The following AHCYL1 variants were observed in gnomAD, a reference collection of about 807,000 sequenced individuals.
AHCYL1 encodes the protein S-adenosylhomocysteine hydrolase-like protein 1.
A neutral mutation model predicts 79.3 loss-of-function variants in AHCYL1; 20 were observed. That is an observed-to-expected ratio of 0.25 (90% CI 0.18 to 0.37). The LOEUF (loss-of-function observed/expected upper bound fraction) is 0.37, where lower values mean the gene tolerates loss of function less well. AHCYL1 is among the 10% of genes least tolerant of loss of function. The pLI, the probability that AHCYL1 is intolerant of heterozygous loss-of-function variation, is 1.00. For synonymous variants in AHCYL1, 223 were observed against 242.2 expected, an observed-to-expected ratio of 0.92 and a Z score of 0.74; for missense variants, 330 against 673.6, an observed-to-expected ratio of 0.49 and a Z score of 5.65.
chr1:109,997,465 A>C (rs535234934), intron 1 of AHCYL1, among the ~76,000 whole-genome samples: 3 of 152,296 alleles, frequency 2.0e-5, no homozygotes, highest in East Asian at 3.9e-4. Flanking sequence ...AAGTGAGCAG[A>C]TCTGAGACTC....
chr1:110,007,882 A>G (rs946964914), intron 1 of AHCYL1, among the ~76,000 whole-genome samples: 1 of 152,240 alleles, frequency 6.6e-6, no homozygotes, highest in Non-Finnish European at 1.5e-5. Flanking sequence ...GGTTTAAACC[A>G]TGTAATAAAA....
At chr1:110,003,348 T>C (rs117601365) in intron 1 of AHCYL1, among the ~76,000 whole-genome samples, 2 of 152,142 alleles carry the variant, frequency 1.3e-5, no homozygotes, top group Admixed American at 6.5e-5. Flanking sequence ...TGTATATATA[T>C]AGAGAGAGAA....
chr1:110,012,061 C>G lies in AHCYL1; in HGVS notation c.377-301C>G, dbSNP rs80149301. ...TAGCCAATGCCTTAACTATTTTCCT[C>G]TCTTCCCAAATGAATGATGAGACTC... On this transcript the variant is annotated intron_variant, in intron 3 of 16. Coordinates refer to ENST00000369799, the MANE Select transcript of AHCYL1 (RefSeq NM_006621.7). Among the ~76,000 whole-genome samples the G allele has an allele frequency of 1.6e-3, 244 of 152,344 alleles. 3 individuals carry two copies. The East Asian group carries it at 0.041, about 26-fold the overall frequency.
chr1:110,012,496 T>A, intron 4 of AHCYL1, 34 bp downstream of exon 4: 1 of 1,523,482 alleles, frequency 6.6e-7, no homozygotes, highest in South Asian at 1.3e-5. Context: ...GGACTTCTGA[T>A]AAGGGGAAGA....
At chr1:109,992,252 C>CA (rs917077209) in intron 1 of AHCYL1, among the ~76,000 whole-genome samples, 12 of 151,354 alleles carry the variant, frequency 7.9e-5, no homozygotes, top group African/African-American at 2.4e-4. Context: ...ACTAAAAACA[C>CA]AAAAAAAATT....
chr1:110,001,744 G>A (rs191685097), intron 1 of AHCYL1, among the ~76,000 whole-genome samples: 1 of 152,204 alleles, frequency 6.6e-6, no homozygotes, highest in Non-Finnish European at 1.5e-5. Context: ...ACTTCTCTGA[G>A]TGTACCTTTT....
intron 5 of AHCYL1, 35 bp downstream of exon 5, chr1:110,013,034 A>G (rs1390088268): frequency 1.3e-6 from 2 of 1,532,112 alleles, no homozygotes; most frequent in East Asian, 4.5e-5. Context: ...CTTTGCCCCA[A>G]AATAGTTATC....
intron 5 of AHCYL1, among the ~76,000 whole-genome samples, chr1:110,013,353 G>A (rs1209513404): frequency 6.6e-6 from 1 of 152,178 alleles, no homozygotes; most frequent in Non-Finnish European, 1.5e-5. Context: ...AAATAATTTG[G>A]TATTCAGTAT....
Position 110,002,353 on chromosome 1 carries a change from G to A in AHCYL1, c.121-6681G>A, listed in dbSNP as rs12566417. ...TATATCTTCTTTTGTCAAAAAGAGT[G>A]GAAGGACTGTAATGGAATCATGTCA... On this transcript the variant is annotated intron_variant, in intron 1 of 16. Coordinates refer to ENST00000369799, the MANE Select transcript of AHCYL1 (RefSeq NM_006621.7). Among the ~76,000 whole-genome samples, 1,527 of 152,320 alleles carry A rather than the reference G, an allele frequency of 0.01. 67 individuals are homozygous for A. The East Asian group carries it at 0.16, about 16-fold the overall frequency.
chr1:109,991,763 G>A (rs1228847992), intron 1 of AHCYL1, among the ~76,000 whole-genome samples: 2 of 152,174 alleles, frequency 1.3e-5, no homozygotes, highest in Non-Finnish European at 2.9e-5. Flanking sequence ...ATTTGTGAGT[G>A]ACAGAGTAAA....
chr1:110,017,325 C>T (rs1324221225), intron 9 of AHCYL1, among the ~76,000 whole-genome samples, 170 bp from the exon 10 acceptor site: 5 of 152,120 alleles, frequency 3.3e-5, no homozygotes, highest in Admixed American at 2.0e-4. Flanking sequence ...AGGTTCACAA[C>T]GTAATCTGGG....
intron 7 of AHCYL1, among the ~76,000 whole-genome samples, chr1:110,016,023 G>A (rs530651994): frequency 6.6e-6 from 1 of 152,002 alleles, no homozygotes; most frequent in African/African-American, 2.4e-5. Flanking sequence ...GATAGTCTTT[G>A]TTTATCAGAA....
At chr1:110,021,000 G>A in intron 16 of AHCYL1, 149 bp downstream of exon 16, 1 of 1,216,294 alleles carries the variant, frequency 8.2e-7, no homozygotes, top group East Asian at 2.7e-5. Context: ...GCTCACGCCT[G>A]TAATCCCAGC....
intron 1 of AHCYL1, among the ~76,000 whole-genome samples, chr1:110,007,713 T>C (rs996685154): frequency 2.0e-5 from 3 of 152,202 alleles, no homozygotes; most frequent in Non-Finnish European, 4.4e-5. Flanking sequence ...GCTAAAGACT[T>C]AGCTTAATGG....
intron 6 of AHCYL1, 53 bp from the exon 7 acceptor site, chr1:110,015,372 C>A: frequency 2.1e-6 from 3 of 1,462,164 alleles, no homozygotes; most frequent in Non-Finnish European, 2.9e-6. Context: ...TTCAAAGTTC[C>A]CCCCAGCCCT....
chr1:109,985,161 G>A lies in AHCYL1; in HGVS notation c.109G>A (p.Ala37Thr). ...KYSFMATVTK[A>T]PKKQIQFADD... ...CTCCTTCATGGCCACCGTCACCAAGGCGCCCAAGAAGGTGCGGGGGCTCTG... is the reference window on the plus strand; with the variant it reads ...CTCCTTCATGGCCACCGTCACCAAGACGCCCAAGAAGGTGCGGGGGCTCTG... Residue 37 changes from alanine (A) to threonine (T), a missense_variant, in exon 1 of 17, where the codon GCG becomes ACG. Around this residue, in one of 6 missense-constraint regions of AHCYL1, gnomAD observed 66 missense variants for 68.0 expected, o/e 0.97. Transcript: ENST00000369799. 1 of 1,609,464 alleles carries A rather than the reference G, an allele frequency of 6.2e-7. No homozygotes were observed. The highest frequency in any genetic ancestry group is 8.5e-7 in the Non-Finnish European group (1 of 1,178,312).
intron 6 of AHCYL1, 108 bp downstream of exon 6, chr1:110,014,965 CTT>C (rs1161165296): frequency 9.7e-7 from 1 of 1,028,182 alleles, no homozygotes; most frequent in Non-Finnish European, 1.5e-6. Context: ...TATGCACTGA[CTT>C]TGTTGCTAAA....
At chr1:109,986,176 T>G (rs1649457851) in intron 1 of AHCYL1, among the ~76,000 whole-genome samples, 1 of 152,146 alleles carries the variant, frequency 6.6e-6, no homozygotes, top group Admixed American at 6.5e-5. Context: ...AATGTCTCCC[T>G]TCTTTATAAA....
At chr1:109,991,016 G>T (rs533938723) in intron 1 of AHCYL1, among the ~76,000 whole-genome samples, 14 of 151,380 alleles carry the variant, frequency 9.2e-5, no homozygotes, top group South Asian at 2.1e-4. Context: ...CTGTAGAAAT[G>T]TGTGGCCTTT....
Sources: gnomAD v4.1 joint callset for allele counts (sites outside exome capture counted in the v4.1 genomes callset) on GRCh38, gnomAD v4.1.1 for gene constraint, gnomAD v4.1.1 regional missense constraint, MANE v1.5 for transcripts, NCBI Gene and HGNC (gene_info 2026-07-23, HGNC 2026-07-21) for gene names.